THAP10: variants seen among roughly 807,000 people sequenced by gnomAD.
The protein encoded by THAP10 is THAP domain-containing protein 10.
A neutral mutation model predicts 15.7 loss-of-function variants in THAP10; 10 were observed. The ratio of observed to expected loss-of-function variants is 0.64; its 90% CI spans 0.39 to 1.08. THAP10 has a LOEUF of 1.08. THAP10 is among the 50% of genes least tolerant of loss of function. The pLI is 0.01. For synonymous variants in THAP10, 127 were observed against 129.1 expected, an observed-to-expected ratio of 0.98 and a Z score of 0.11; for missense variants, 310 against 330.9, an observed-to-expected ratio of 0.94 and a Z score of 0.49.
rs2959174 is a variant in THAP10, at chr15:70,891,939, G to T, written c.334C>A (p.Arg112=). 0.44 allele frequency: 704,736 copies of T among 1,612,800 alleles called. 160,284 individuals are homozygous for T. The highest frequency in any genetic ancestry group is 0.72 in the African/African-American group (53,948 of 74,932). The change falls in exon 1 of 3, where the codon CGA becomes AGA. Residue 112 remains arginine, a synonymous_variant. Transcript: ENST00000249861. The part of the protein sequence containing the change: ...EGDQAGRLDT[R]GELQAARHSE... ...TGCCTGGCTGCCTGGAGCTCTCCTCGCGTGTCCAGGCGGCCTGCTTGGTCT... is the reference window on the plus strand; with the variant it reads ...TGCCTGGCTGCCTGGAGCTCTCCTCTCGTGTCCAGGCGGCCTGCTTGGTCT...
intron 1 of THAP10, among the ~76,000 whole-genome samples, chr15:70,885,416 C>T (rs1036758105): frequency 2.0e-5 from 3 of 152,050 alleles, no homozygotes; most frequent in African/African-American, 7.2e-5. Context: ...ATAAAAACAA[C>T]AGAAACCAAA....
At chr15:70,886,260 T>C in intron 1 of THAP10, among the ~76,000 whole-genome samples, 1 of 152,162 alleles carries the variant, frequency 6.6e-6, no homozygotes, top group Non-Finnish European at 1.5e-5. Context: ...ATTATTAATA[T>C]CATGCAAAAG....
Position 70,882,761 on chromosome 15 carries a change from CCA to C in THAP10, c.575_576del (p.Val192GlyfsTer15). 6.2e-7 allele frequency: 1 copy of C among 1,613,930 alleles called. No individual in the cohort carries two copies. Among genetic ancestry groups the C allele is most frequent in the South Asian group, 1.1e-5 (1 of 91,026 alleles). On this transcript the variant is annotated frameshift_variant and splice_region_variant, in exon 2 of 3. Transcript: ENST00000249861. LOFTEE classifies it low-confidence loss of function (END_TRUNC). ...AATCCATTGAAGAGTCAAAACATAC[CCA>C]CACTACGGTGACGGGGCCTTTTCAA... ...ISLKRPRHRS[V>X]GIQAKVKAFG... is the part of the protein sequence containing the mutation.
At position 70,882,790 on chromosome 15, in the gene THAP10, GA is replaced by G; in HGVS notation, c.547del (p.Ser183LeufsTer2). 1 of 1,614,130 alleles carries G rather than the reference GA, an allele frequency of 6.2e-7. No homozygotes were observed. Among genetic ancestry groups the G allele is most frequent in the Non-Finnish European group, 8.5e-7 (1 of 1,180,000 alleles). The stretch of plus-strand genomic sequence containing the variant: ...ACTACGGTGACGGGGCCTTTTCAAA[GA>G]AATTTGTGTACTTTTATGCACTGGG... ...EGPVHKSTQI[S>X]LKRPRHRSVG... On this transcript the variant is annotated frameshift_variant, in exon 2 of 3. Coordinates refer to ENST00000249861, the MANE Select transcript of THAP10 (RefSeq NM_020147.4). LOFTEE classifies it low-confidence loss of function (END_TRUNC).
intron 1 of THAP10, 78 bp downstream of exon 1, chr15:70,891,766 T>G: frequency 7.5e-7 from 1 of 1,336,634 alleles, no homozygotes; most frequent in Non-Finnish European, 9.9e-7. Flanking sequence ...TGAGGTGCCT[T>G]TCCCAAGGTG....
chr15:70,882,790 G>T lies in THAP10; in HGVS notation c.548C>A (p.Ser183Tyr). The T allele has an allele frequency of 6.2e-7, 1 of 1,614,130 alleles. No individual in the cohort carries two copies. The highest frequency in any genetic ancestry group is 8.5e-7 in the Non-Finnish European group (1 of 1,180,000). The change falls in exon 2 of 3, where the codon TCT becomes TAT. Residue 183 changes from serine to tyrosine, a missense_variant. Physicochemically the swap from Ser to Tyr is moderately radical, Grantham distance 144 (BLOSUM62 -2). Coordinates refer to ENST00000249861, the MANE Select transcript of THAP10 (RefSeq NM_020147.4). ...ACTACGGTGACGGGGCCTTTTCAAA[G>T]AAATTTGTGTACTTTTATGCACTGG... ...EGPVHKSTQI[S>Y]LKRPRHRSVG...
chr15:70,892,170 G>A lies in THAP10; in HGVS notation c.103C>T (p.Arg35Cys), dbSNP rs1378211040. 1 of 1,611,922 alleles carries A rather than the reference G, an allele frequency of 6.2e-7. No homozygotes were observed. Among genetic ancestry groups the A allele is most frequent in the Non-Finnish European group, 8.5e-7 (1 of 1,179,196 alleles). The change falls in exon 1 of 3, where the codon CGC (arginine) becomes TGC (cysteine). Residue 35 changes from arginine (R) to cysteine (C), a missense_variant. Arg to Cys is a radical substitution (Grantham distance 180). Transcript: ENST00000249861. ...KDRAVRLLWD[R>C]FVRGCRADWY... Reference sequence around the variant, plus strand: ...TCGGCGCGGCAACCCCGCACGAAGCGGTCCCAGAGCAGCCGCACGGCCCGG... The same window carrying A: ...TCGGCGCGGCAACCCCGCACGAAGCAGTCCCAGAGCAGCCGCACGGCCCGG...
intron 1 of THAP10, among the ~76,000 whole-genome samples, chr15:70,883,842 G>A (rs2033332382): frequency 1.3e-5 from 2 of 150,794 alleles, no homozygotes; most frequent in Admixed American, 6.6e-5. Flanking sequence ...TTTTAGTAGA[G>A]ACAATGTTTC....
chr15:70,891,565 C>CTGTGTGTGTGTGTG (rs1491474980), intron 1 of THAP10, among the ~76,000 whole-genome samples: 4 of 118,952 alleles, frequency 3.4e-5, no homozygotes, highest in Non-Finnish European at 7.3e-5. Context: ...CAGGACAAGA[C>CTGTGTGTGTGTGTG]TCTGTGTGTG....
chr15:70,889,134 AAG>A (rs1274498824), intron 1 of THAP10, among the ~76,000 whole-genome samples: 1 of 152,214 alleles, frequency 6.6e-6, no homozygotes, highest in African/African-American at 2.4e-5. Flanking sequence ...ACACATATAC[AAG>A]AGTTTATGGT....
In THAP10 at chr15:70,882,858, T is replaced by C. The variant is rs1348137341; in HGVS notation, c.480A>G (p.Pro160=). The part of the protein sequence containing the change: ...LVQTQPHADN[P]SNTVTSVPTH... ...TAGGTACTGAAGTGACAGTATTAGA[T>C]GGATTATCAGCATGGGGTTGGGTTT... The change falls in exon 2 of 3, where the codon CCA becomes CCG. Residue 160 remains proline (P), a synonymous_variant. Coordinates refer to ENST00000249861, the MANE Select transcript of THAP10 (RefSeq NM_020147.4). 2 of 1,614,156 alleles carry C rather than the reference T, an allele frequency of 1.2e-6. No individual in the cohort carries two copies. Among genetic ancestry groups the C allele is most frequent in the East Asian group, 2.2e-5 (1 of 44,872 alleles).
intron 1 of THAP10, among the ~76,000 whole-genome samples, chr15:70,887,191 C>A (rs1567036038): frequency 6.6e-6 from 1 of 151,914 alleles, no homozygotes; most frequent in Non-Finnish European, 1.5e-5. Context: ...AATATTAATA[C>A]CAAATTTATT....
chr15:70,891,567 C>CTGTGTGTGTGTGTGTGTGTGTGTGTGTG (rs3220843), intron 1 of THAP10, among the ~76,000 whole-genome samples: 2 of 137,050 alleles, frequency 1.5e-5, no homozygotes, highest in Admixed American at 1.5e-4. Context: ...GGACAAGACT[C>CTGTGTGTGTGTGTGTGTGTGTGTGTGTG]TGTGTGTGTG....
chr15:70,886,871 G>GA (rs533682325), intron 1 of THAP10, among the ~76,000 whole-genome samples: 89 of 137,656 alleles, frequency 6.5e-4, no homozygotes, highest in Non-Finnish European at 8.8e-4. Context: ...GTCTAAAAAA[G>GA]AAAAAAAAAA....
chr15:70,886,591 G>A (rs370010041), intron 1 of THAP10, among the ~76,000 whole-genome samples: 5 of 152,142 alleles, frequency 3.3e-5, no homozygotes, highest in Non-Finnish European at 5.9e-5. Flanking sequence ...AAACCGGTGG[G>A]GTGCGGTGGC....
Position 70,892,120 on chromosome 15 carries a change from C to T in THAP10, c.153G>A (p.Ser51=). 3 of 1,613,902 alleles carry T rather than the reference C, an allele frequency of 1.9e-6. No homozygotes were observed. Among genetic ancestry groups the T allele is most frequent in the Non-Finnish European group, 2.5e-6 (3 of 1,179,916 alleles). The part of the protein sequence containing the change: ...RADWYGGNDR[S]VICSDHFAPA... ...GGGCAAAGTGGTCAGAGCAGATGAC[C>T]GAGCGGTCATTGCCTCCGTACCAGT... The change falls in exon 1 of 3, where the codon TCG becomes TCA. Residue 51 remains serine (S), a synonymous_variant. Transcript: ENST00000249861.
Position 70,892,277 on chromosome 15 carries a change from G to A in THAP10, c.-5C>T, listed in dbSNP as rs1398463350. On this transcript the variant is annotated 5_prime_UTR_variant, in exon 1 of 3. Coordinates refer to ENST00000249861, the MANE Select transcript of THAP10 (RefSeq NM_020147.4). ...GGCCACACAACGGGCCGGCATGGCGGCCGTCTTCGGTGCGCGGGAGCCGGG... is the reference window on the plus strand; with the variant it reads ...GGCCACACAACGGGCCGGCATGGCGACCGTCTTCGGTGCGCGGGAGCCGGG... 4 of 1,558,902 alleles carry A rather than the reference G, an allele frequency of 2.6e-6. No homozygotes were observed. The highest frequency in any genetic ancestry group is 1.7e-4 in the Middle Eastern group (1 of 5,958).
chr15:70,888,177 A>G (rs1287273308), intron 1 of THAP10, among the ~76,000 whole-genome samples: 5 of 152,208 alleles, frequency 3.3e-5, no homozygotes, highest in Admixed American at 2.6e-4. Flanking sequence ...AAAATTGACA[A>G]ATCAATTCTG....
chr15:70,891,567 C>CTGTGTGTGTGTGTGTG lies in THAP10; in HGVS notation c.429+261_429+276dup, dbSNP rs3220843. ...ACTCACTACTCTGCAGGACAAGACTCTGTGTGTGTGTGTGTGTGTGTGTGT... is the reference window on the plus strand; with the variant it reads ...ACTCACTACTCTGCAGGACAAGACTCTGTGTGTGTGTGTGTGTGTGTGTGTGTGTGTGTGTGTGTGT... On this transcript the variant is annotated intron_variant, in intron 1 of 2. Transcript: ENST00000249861. Among the ~76,000 whole-genome samples the CTGTGTGTGTGTGTGTG allele has an allele frequency of 1.8e-3, 250 of 137,130 alleles. 1 individual carries two copies. The highest frequency in any genetic ancestry group is 7.4e-3 in the Admixed American group (97 of 13,182). 90.0% of individuals were successfully genotyped at this position (137,130 alleles called of 152,430 possible).
Sources: gnomAD v4.1 joint callset for allele counts (sites outside exome capture counted in the v4.1 genomes callset) on GRCh38, gnomAD v4.1.1 for gene constraint, MANE v1.5 for transcripts, NCBI Gene and HGNC (gene_info 2026-07-23, HGNC 2026-07-21) for gene names.